CADM2: variants seen among roughly 807,000 people sequenced by gnomAD.
The protein encoded by CADM2 is immunoglobulin superfamily member 4D.
Under a neutral mutation model 49.8 loss-of-function variants are expected in CADM2, and 12 were observed. The observed-to-expected ratio is 0.24, with a 90% CI of 0.15 to 0.39. The LOEUF (loss-of-function observed/expected upper bound fraction) is 0.39, where lower values mean the gene tolerates loss of function less well. CADM2 is among the 10% of genes least tolerant of loss of function. The pLI, the probability that CADM2 is intolerant of heterozygous loss-of-function variation, is 1.00. For synonymous variants in CADM2, 214 were observed against 175.4 expected, an observed-to-expected ratio of 1.22 and a Z score of -1.74; for missense variants, 378 against 492.3, an observed-to-expected ratio of 0.77 and a Z score of 2.20.
At chr3:85,075,381 A>G (rs937036442) in intron 1 of CADM2, among the ~76,000 whole-genome samples, 9 of 152,260 alleles carry the variant, frequency 5.9e-5, no homozygotes, top group African/African-American at 1.7e-4. Flanking sequence ...ATAAATGACT[A>G]TCTTCAATTA....
chr3:85,531,640 T>G (rs765498476), intron 1 of CADM2, among the ~76,000 whole-genome samples: 160 of 152,286 alleles, frequency 1.1e-3, no homozygotes, highest in South Asian at 6.2e-4. Flanking sequence ...TGCCCTCTCC[T>G]CCTAAATGTT....
intron 1 of CADM2, among the ~76,000 whole-genome samples, chr3:84,985,530 A>G (rs1252128992): frequency 6.6e-6 from 1 of 151,992 alleles, no homozygotes; most frequent in East Asian, 1.9e-4. Context: ...CACTCTGGAG[A>G]TTAATATTTA....
In CADM2 at chr3:85,027,109, C is replaced by CTTTTTTTTTTTTTTTTTT. The variant is rs1160735135; in HGVS notation, c.61+67447_61+67464dup. Among the ~76,000 whole-genome samples, 8 of 55,688 alleles carry CTTTTTTTTTTTTTTTTTT rather than the reference C, an allele frequency of 1.4e-4. 3 individuals carry two copies. The highest frequency in any genetic ancestry group is 8.2e-4 in the East Asian group (2 of 2,434). The allele number at this position is 55,688 out of a possible 152,430, so 36.5% of individuals were successfully genotyped here. A position where few individuals can be genotyped will look rare whatever the true frequency, so the allele number is the denominator to read the frequency against. On this transcript the variant is annotated intron_variant, in intron 1 of 9. Coordinates refer to ENST00000383699, the MANE Select transcript of CADM2 (RefSeq NM_001167675.2). ...TGGTTGTTGTTGCTTTTTCTTTTTC[C>CTTTTTTTTTTTTTTTTTT]TTTTTTTTTTTTTTTTTTTTTTTAA...
chr3:85,234,739 A>C (rs2042374113), intron 1 of CADM2, among the ~76,000 whole-genome samples: 1 of 152,124 alleles, frequency 6.6e-6, no homozygotes, highest in Admixed American at 6.6e-5. Context: ...CAGAGTAGTA[A>C]TTTCTCTCTC....
intron 1 of CADM2, among the ~76,000 whole-genome samples, chr3:85,487,564 ATAG>A (rs2039473818): frequency 3.9e-5 from 5 of 128,160 alleles, no homozygotes; most frequent in African/African-American, 1.5e-4. Context: ...AGGAGGAGGA[ATAG>A]GAGGAGGAGG....
At chr3:85,495,120 T>C (rs1469774660) in intron 1 of CADM2, among the ~76,000 whole-genome samples, 1 of 152,190 alleles carries the variant, frequency 6.6e-6, no homozygotes, top group Non-Finnish European at 1.5e-5. Context: ...CAAGTGAATT[T>C]AAACACTATA....
At chr3:85,727,834 A>C (rs1373859329) in intron 2 of CADM2, among the ~76,000 whole-genome samples, 1 of 152,132 alleles carries the variant, frequency 6.6e-6, no homozygotes, top group African/African-American at 2.4e-5. Flanking sequence ...TAGGATGTAC[A>C]TAGAAAACAA....
intron 1 of CADM2, among the ~76,000 whole-genome samples, chr3:85,453,467 A>G (rs1229617323): frequency 1.3e-5 from 2 of 152,132 alleles, no homozygotes; most frequent in Non-Finnish European, 2.9e-5. Context: ...TGAAGCTCTC[A>G]TAAACATGTA....
At chr3:85,487,724 CTGTGTGTGTGTGTGCGTG>C (rs2039485538) in intron 1 of CADM2, among the ~76,000 whole-genome samples, 1 of 150,930 alleles carries the variant, frequency 6.6e-6, no homozygotes, top group Non-Finnish European at 1.5e-5. Context: ...AAATAAACCT[CTGTGTGTGTGTGTGCGTG>C]TGTGCGTGTG....
intron 1 of CADM2, among the ~76,000 whole-genome samples, chr3:85,469,224 G>T (rs1312625891): frequency 6.6e-6 from 1 of 152,096 alleles, no homozygotes; most frequent in Non-Finnish European, 1.5e-5. Flanking sequence ...TTTATTTAGC[G>T]ACTACTCTGT....
chr3:85,568,473 C>CTCTCTCTCTTTCTTTCTT lies in CADM2; in HGVS notation c.62-158046_62-158045insCTCTCTTTCTTTCTTTCT, dbSNP rs1310030589. On this transcript the variant is annotated intron_variant, in intron 1 of 9. Transcript: ENST00000383699. ...TTTCTTTCTTTCTTTCTCTTTCTCT[C>CTCTCTCTCTTTCTTTCTT]TCTTTCTTTCTTTCTTTCTTTCTTT... Among the ~76,000 whole-genome samples, 16 of 27,618 alleles carry CTCTCTCTCTTTCTTTCTT rather than the reference C, an allele frequency of 5.8e-4. 1 individual carries two copies. Among genetic ancestry groups the CTCTCTCTCTTTCTTTCTT allele is most frequent in the African/African-American group, 1.1e-3 (14 of 12,950 alleles). 18.1% of individuals were successfully genotyped at this position (27,618 alleles called of 152,430 possible). A position where few individuals can be genotyped will look rare whatever the true frequency, so the allele number is the denominator to read the frequency against.
intron 6 of CADM2, among the ~76,000 whole-genome samples, chr3:85,912,798 C>T (rs988809790): frequency 6.6e-6 from 1 of 152,024 alleles, no homozygotes; most frequent in Non-Finnish European, 1.5e-5. Context: ...TGTGGCTTAA[C>T]GTAGGCGTGC....
At chr3:85,810,253 T>C (rs1350781087) in intron 3 of CADM2, among the ~76,000 whole-genome samples, 2 of 152,144 alleles carry the variant, frequency 1.3e-5, no homozygotes. Flanking sequence ...CTCTTGTCAA[T>C]TCCTTCTGGG....
At chr3:85,415,905 G>A (rs1036497995) in intron 1 of CADM2, among the ~76,000 whole-genome samples, 1 of 151,926 alleles carries the variant, frequency 6.6e-6, no homozygotes, top group Non-Finnish European at 1.5e-5. Flanking sequence ...GCAAATTTGT[G>A]GGGGGAGCAG....
At chr3:85,989,023 G>A (rs1161760233) in intron 8 of CADM2, among the ~76,000 whole-genome samples, 6 of 152,120 alleles carry the variant, frequency 3.9e-5, no homozygotes, top group African/African-American at 1.4e-4. Context: ...AGGGTAGTCT[G>A]GTTTACACTG....
intron 1 of CADM2, among the ~76,000 whole-genome samples, chr3:85,666,862 G>C (rs1220907686): frequency 2.0e-5 from 3 of 151,896 alleles, no homozygotes; most frequent in African/African-American, 4.8e-5. Context: ...TTGGGGTAGT[G>C]TTTCCTGCAC....
chr3:85,516,550 G>A (rs2060908229), intron 1 of CADM2, among the ~76,000 whole-genome samples: 1 of 152,012 alleles, frequency 6.6e-6, no homozygotes, highest in Non-Finnish European at 1.5e-5. Context: ...AGAGATTTTA[G>A]TAATACAACC....
intron 3 of CADM2, among the ~76,000 whole-genome samples, chr3:85,860,128 G>A (rs1316974441): frequency 6.6e-6 from 1 of 152,060 alleles, no homozygotes; most frequent in Non-Finnish European, 1.5e-5. Flanking sequence ...AAACATGATT[G>A]AACATTATAT....
intron 1 of CADM2, among the ~76,000 whole-genome samples, chr3:85,253,624 C>A (rs998857617): frequency 6.6e-6 from 1 of 152,074 alleles, no homozygotes; most frequent in African/African-American, 2.4e-5. Context: ...TCCTCTGCAA[C>A]ATTTTTTCTA....
Sources: gnomAD v4.1 joint callset for allele counts (sites outside exome capture counted in the v4.1 genomes callset) on GRCh38, gnomAD v4.1.1 for gene constraint, MANE v1.5 for transcripts, NCBI Gene and HGNC (gene_info 2026-07-23, HGNC 2026-07-21) for gene names.